Variants in SMAD3 observed in about 807,000 individuals in gnomAD.
The protein encoded by SMAD3 is SMAD family member 3, also known as MAD homolog 3.
Under a neutral mutation model 51.8 loss-of-function variants are expected in SMAD3, and 12 were observed. The ratio of observed to expected loss-of-function variants is 0.23; its 90% confidence interval spans 0.15 to 0.38. The LOEUF (loss-of-function observed/expected upper bound fraction) is 0.38, where lower values mean the gene tolerates loss of function less well. SMAD3 is among the 10% of genes least tolerant of loss of function. The pLI is 1.00. For missense variants in SMAD3, 294 were observed against 565.6 expected (o/e 0.52, Z 4.87); for synonymous variants, 238 against 227.7 (o/e 1.05, Z -0.41).
intron 4 of SMAD3, among the ~76,000 whole-genome samples, chr15:67,169,987 C>T (rs1461982100): frequency 6.6e-6 from 1 of 152,120 alleles, no homozygotes; most frequent in Non-Finnish European, 1.5e-5. Context: ...TGCTGAGTTG[C>T]AGGGTTTCTG....
chr15:67,159,097 T>G (rs1962359239), intron 1 of SMAD3, among the ~76,000 whole-genome samples: 1 of 151,930 alleles, frequency 6.6e-6, no homozygotes, highest in South Asian at 2.1e-4. Flanking sequence ...TTGAGACAGA[T>G]TCTCACTCTG....
At chr15:67,145,866 A>C (rs978207048) in intron 1 of SMAD3, among the ~76,000 whole-genome samples, 17 of 152,182 alleles carry the variant, frequency 1.1e-4, no homozygotes, top group Admixed American at 8.5e-4. Context: ...GGGCACGCAG[A>C]ACAACAGCTT....
At chr15:67,113,095 T>TATATATATATATATA (rs57818600) in intron 1 of SMAD3, among the ~76,000 whole-genome samples, 14 of 91,090 alleles carry the variant, frequency 1.5e-4, no homozygotes, top group Admixed American at 4.1e-4. Flanking sequence ...TATATATATA[T>TATATATATATATATA]TTTTTTGAGA....
intron 1 of SMAD3, among the ~76,000 whole-genome samples, chr15:67,089,433 T>C (rs1436462102): frequency 6.6e-6 from 1 of 152,144 alleles, no homozygotes; most frequent in Non-Finnish European, 1.5e-5. Flanking sequence ...TTCCCATTGG[T>C]TTATCTTTAC....
rs2140294164 is a variant in SMAD3, at chr15:67,165,032, TGAA to T, written c.349_351del (p.Lys117del). 1 of 1,614,150 alleles carries T rather than the reference TGAA, an allele frequency of 6.2e-7. No homozygotes were observed. Among genetic ancestry groups the T allele is most frequent in the Non-Finnish European group, 8.5e-7 (1 of 1,180,034 alleles). ...GAGCTGTGTGAGTTCGCCTTCAATA[TGAA>T]GAAGGACGAGGTCTGCGTGAATCCC... On this transcript the variant is annotated inframe_deletion, in exon 2 of 9. Transcript: ENST00000327367.
intron 1 of SMAD3, among the ~76,000 whole-genome samples, chr15:67,070,927 A>G (rs1386591055): frequency 6.6e-6 from 1 of 152,142 alleles, no homozygotes; most frequent in Non-Finnish European, 1.5e-5. Context: ...AGAGAATTTG[A>G]CAGGTATGTT....
intron 1 of SMAD3, among the ~76,000 whole-genome samples, chr15:67,071,767 G>T (rs1179524776): frequency 6.6e-6 from 1 of 152,098 alleles, no homozygotes; most frequent in South Asian, 2.1e-4. Context: ...AGCCGAGATC[G>T]CGCCACTGCA....
Position 67,117,694 on chromosome 15 carries a change from T to C in SMAD3, c.207-47201T>C, listed in dbSNP as rs75566842. Among the ~76,000 whole-genome samples the C allele has an allele frequency of 9.6e-3, 1,455 of 152,298 alleles. 23 individuals are homozygous for C. Among genetic ancestry groups the C allele is most frequent in the African/African-American group, 0.033 (1,381 of 41,556 alleles). On this transcript the variant is annotated intron_variant, in intron 1 of 8. Coordinates refer to ENST00000327367, the MANE Select transcript of SMAD3 (RefSeq NM_005902.4). ...TTCTTTATAGAGAGCTGTTGTTAGCTTAAAAATGCCTGGAAACATGATCAA... is the reference window on the plus strand; with the variant it reads ...TTCTTTATAGAGAGCTGTTGTTAGCCTAAAAATGCCTGGAAACATGATCAA...
intron 1 of SMAD3, among the ~76,000 whole-genome samples, chr15:67,089,151 G>T (rs894437437): frequency 1.3e-5 from 2 of 152,168 alleles, no homozygotes; most frequent in African/African-American, 2.4e-5. Flanking sequence ...TAAAAAAGGG[G>T]TGTATGGCTG....
intron 1 of SMAD3, among the ~76,000 whole-genome samples, chr15:67,121,767 G>T (rs1009303574): frequency 6.6e-6 from 1 of 151,636 alleles, no homozygotes; most frequent in African/African-American, 2.4e-5. Context: ...TTGATATGAG[G>T]AAATTTTGCT....
rs1796015834 is a variant in SMAD3, at chr15:67,127,889, G to C, written c.207-37006G>C. 2.0e-5 allele frequency among the ~76,000 whole-genome samples: 3 copies of C among 152,146 alleles called. No individual in the cohort carries two copies. In the South Asian group the frequency reaches 6.2e-4, roughly 32 times the overall value. ...TGGTAGGGAGACTATCAATGAAGCT[G>C]GGGGGAGCTGAGCTTCTGAAACTTG... On this transcript the variant is annotated intron_variant, in intron 1 of 8. Transcript: ENST00000327367.
chr15:67,088,250 C>T (rs558998335), intron 1 of SMAD3, among the ~76,000 whole-genome samples: 1 of 152,260 alleles, frequency 6.6e-6, no homozygotes, highest in South Asian at 2.1e-4. Flanking sequence ...AGTAGGGTTA[C>T]TTGATGCTAA....
rs1489194169 is a variant in SMAD3, at chr15:67,181,221, A to T, written c.659-20A>T. On this transcript the variant is annotated intron_variant, in intron 5 of 8. Coordinates refer to ENST00000327367, the MANE Select transcript of SMAD3 (RefSeq NM_005902.4). ...GGCTTGGGACACCCAATGACCCAGT[A>T]GCCCACCCTGTGTCCACAGACCTGC... 1 of 1,605,620 alleles carries T rather than the reference A, an allele frequency of 6.2e-7. No homozygotes were observed. Among genetic ancestry groups the T allele is most frequent in the Non-Finnish European group, 8.5e-7 (1 of 1,174,614 alleles).
At chr15:67,168,017 G>A (rs1476608640) in intron 4 of SMAD3, among the ~76,000 whole-genome samples, 5 of 152,302 alleles carry the variant, frequency 3.3e-5, no homozygotes, top group Admixed American at 6.5e-5. Context: ...GTAGTAGCGC[G>A]ATCTCAGCTT....
intron 5 of SMAD3, chr15:67,174,170 C>G (rs915471550): frequency 1.3e-5 from 2 of 152,470 alleles, no homozygotes; most frequent in Admixed American, 1.3e-4. Flanking sequence ...CACATGGCCA[C>G]GCTCTGAGGA....
intron 1 of SMAD3, among the ~76,000 whole-genome samples, chr15:67,130,115 A>G (rs1023864417): frequency 6.6e-6 from 1 of 152,186 alleles, no homozygotes; most frequent in African/African-American, 2.4e-5. Flanking sequence ...GCTGTGCTAG[A>G]TACTCTACCT....
rs532547337 is a variant in SMAD3, at chr15:67,098,824, C to T, written c.206+32464C>T. 2.3e-4 allele frequency: 161 copies of T among 697,332 alleles called. 4 individuals are homozygous for T. The highest frequency in any genetic ancestry group is 2.2e-3 in the South Asian group (149 of 67,102). The allele number at this position is 697,332 out of a possible 1,614,324, so 43.2% of individuals were successfully genotyped here. On this transcript the variant is annotated intron_variant, in intron 1 of 8. Coordinates refer to ENST00000327367, the MANE Select transcript of SMAD3 (RefSeq NM_005902.4). Reference sequence around the variant, plus strand: ...GCATCCCCAGCGGGGGTCTGAGGGCCCACTGTTGCTCAGCTGGGGGATTTG... The same window carrying T: ...GCATCCCCAGCGGGGGTCTGAGGGCTCACTGTTGCTCAGCTGGGGGATTTG...
intron 1 of SMAD3, among the ~76,000 whole-genome samples, chr15:67,088,733 C>T (rs1217775463): frequency 6.6e-6 from 1 of 152,132 alleles, no homozygotes; most frequent in East Asian, 1.9e-4. Flanking sequence ...TCGAGACCAG[C>T]CCGACCAATA....
At chr15:67,091,533 T>C (rs1362591119) in intron 1 of SMAD3, among the ~76,000 whole-genome samples, 1 of 152,242 alleles carries the variant, frequency 6.6e-6, no homozygotes, top group African/African-American at 2.4e-5. Context: ...AAGGTGTTTT[T>C]AGAAATGAAA....
Sources: gnomAD v4.1 joint callset for allele counts (sites outside exome capture counted in the v4.1 genomes callset) on GRCh38, gnomAD v4.1.1 for gene constraint, MANE v1.5 for transcripts, NCBI Gene and HGNC (gene_info 2026-07-23, HGNC 2026-07-21) for gene names.